The following THSD7A variants were observed in gnomAD, a reference collection of about 807,000 sequenced individuals.
THSD7A encodes the protein thrombospondin type-1 domain-containing protein 7A.
In THSD7A, 96 loss-of-function variants were observed where a neutral mutation model predicts 231.3. The observed-to-expected ratio is 0.41, with a 90% confidence interval of 0.35 to 0.49. The LOEUF is 0.49. THSD7A is among the 20% of genes least tolerant of loss of function. THSD7A has a pLI of 0.05. For missense variants in THSD7A, 2,290 were observed against 2,070.2 expected, an observed-to-expected ratio of 1.11 and a Z score of -2.06; for synonymous variants, 940 against 743.3, an observed-to-expected ratio of 1.26 and a Z score of -4.30.
At chr7:11,604,040 G>A (rs1303120832) in intron 2 of THSD7A, among the ~76,000 whole-genome samples, 1 of 149,534 alleles carries the variant, frequency 6.7e-6, no homozygotes, top group Non-Finnish European at 1.5e-5. Context: ...AAAAAAAAAT[G>A]CCAAAAAAAA....
chr7:11,773,080 G>C (rs564398785), intron 1 of THSD7A, among the ~76,000 whole-genome samples: 1 of 151,944 alleles, frequency 6.6e-6, no homozygotes, highest in Non-Finnish European at 1.5e-5. Context: ...CTAAGAATTT[G>C]GTATATAATA....
Position 11,411,568 on chromosome 7 carries a change from G to C in THSD7A, c.3683-246C>G, listed in dbSNP as rs1343112101. On this transcript the variant is annotated intron_variant, in intron 18 of 27. Transcript: ENST00000423059. The surrounding 1 kb of genome is among the most constrained non-coding windows in gnomAD (Gnocchi z 4.1). ...AGATGTCTACTTGAAAATCTTGATA[G>C]CTAGCCGTTTGGTGACACTGTGAAA... Among the ~76,000 whole-genome samples the C allele has an allele frequency of 2.0e-5, 3 of 152,190 alleles. No homozygotes were observed. Among genetic ancestry groups the C allele is most frequent in the South Asian group, 2.1e-4 (1 of 4,830 alleles).
chr7:11,372,816 C>T lies in THSD7A; in HGVS notation c.*2978G>A, dbSNP rs1262509251. The T allele has an allele frequency of 6.6e-6, 1 of 151,802 alleles. No individual in the cohort carries two copies. Among genetic ancestry groups the T allele is most frequent in the Non-Finnish European group, 1.5e-5 (1 of 67,920 alleles). The allele number at this position is 151,802 out of a possible 1,614,324, so 9.4% of individuals were successfully genotyped here. A position where few individuals can be genotyped will look rare whatever the true frequency, so the allele number is the denominator to read the frequency against. ...TAAAAATAAGGTTTTGATGAAATTC[C>T]AATAAAATATTTAACTCATTATTGT... is the stretch of plus-strand genomic sequence containing the variant. On this transcript the variant is annotated 3_prime_UTR_variant, in exon 28 of 28. Transcript: ENST00000423059.
At chr7:11,501,898 G>C (rs145701931) in intron 6 of THSD7A, among the ~76,000 whole-genome samples, 42 of 151,944 alleles carry the variant, frequency 2.8e-4, no homozygotes, top group African/African-American at 9.9e-4. Flanking sequence ...TAGACTAATA[G>C]AAGAGAGAAA....
At chr7:11,421,644 A>C (rs1336165813) in intron 16 of THSD7A, among the ~76,000 whole-genome samples, 1 of 152,230 alleles carries the variant, frequency 6.6e-6, no homozygotes, top group Admixed American at 6.5e-5. Context: ...ATAACCACTC[A>C]TAACAGACTA....
chr7:11,470,820 T>G (rs1785908766), intron 8 of THSD7A, among the ~76,000 whole-genome samples: 2 of 151,838 alleles, frequency 1.3e-5, no homozygotes, highest in Non-Finnish European at 2.9e-5. Context: ...AGCAAAAATA[T>G]ATTATTTATT....
chr7:11,818,366 C>T (rs1784773275), intron 1 of THSD7A, among the ~76,000 whole-genome samples: 1 of 151,896 alleles, frequency 6.6e-6, no homozygotes, highest in African/African-American at 2.4e-5. Flanking sequence ...CTACGTTAGG[C>T]TGTTAATAGT....
intron 2 of THSD7A, among the ~76,000 whole-genome samples, chr7:11,610,882 G>C (rs1294931018): frequency 6.6e-6 from 1 of 152,116 alleles, no homozygotes; most frequent in Non-Finnish European, 1.5e-5. Flanking sequence ...TATGTTCCAA[G>C]ATGTGTACTT....
chr7:11,507,227 A>C (rs150369808), intron 6 of THSD7A, among the ~76,000 whole-genome samples: 74 of 152,286 alleles, frequency 4.9e-4, no homozygotes, highest in African/African-American at 1.7e-3. Context: ...TGTATTAGGG[A>C]TACTCACTCT....
chr7:11,798,706 T>C (rs1002126838), intron 1 of THSD7A, among the ~76,000 whole-genome samples: 3 of 152,184 alleles, frequency 2.0e-5, no homozygotes, highest in Non-Finnish European at 4.4e-5. Flanking sequence ...AAAGTTGGTA[T>C]CTAACTGATG....
intron 1 of THSD7A, among the ~76,000 whole-genome samples, chr7:11,681,262 G>T (rs989593842): frequency 2.0e-5 from 3 of 151,952 alleles, no homozygotes; most frequent in African/African-American, 7.2e-5. Context: ...CTGATGGGTT[G>T]ATGGGTGCAG....
chr7:11,738,925 T>C (rs1251701859), intron 1 of THSD7A, among the ~76,000 whole-genome samples: 1 of 152,056 alleles, frequency 6.6e-6, no homozygotes, highest in Non-Finnish European at 1.5e-5. Flanking sequence ...TTTGGGTTCT[T>C]TTAAGCCACT....
At chr7:11,677,788 G>T (rs1464227927) in intron 1 of THSD7A, among the ~76,000 whole-genome samples, 1 of 151,688 alleles carries the variant, frequency 6.6e-6, no homozygotes, top group Non-Finnish European at 1.5e-5. Context: ...CAGATCAACG[G>T]GACAGAAAAT....
intron 1 of THSD7A, among the ~76,000 whole-genome samples, chr7:11,815,553 T>C (rs1784665210): frequency 2.0e-5 from 3 of 152,170 alleles, no homozygotes; most frequent in South Asian, 4.1e-4. Context: ...TCATTCTTAT[T>C]AATAAACCTG....
At chr7:11,495,534 A>G (rs926628279) in intron 6 of THSD7A, among the ~76,000 whole-genome samples, 3 of 152,276 alleles carry the variant, frequency 2.0e-5, no homozygotes, top group African/African-American at 4.8e-5. Context: ...ACAGTTTCAA[A>G]GAAGATAACA....
rs1341868418 is a variant in THSD7A, at chr7:11,636,173, C to G, written c.979G>C (p.Glu327Gln). 1 of 1,613,980 alleles carries G rather than the reference C, an allele frequency of 6.2e-7. No homozygotes were observed. Among genetic ancestry groups the G allele is most frequent in the Non-Finnish European group, 8.5e-7 (1 of 1,179,894 alleles). The part of the protein sequence containing the change: ...WDIQIGYQTR[E>Q]VMCINKTGKA... ...CCCGTCTTGTTAATGCACATAACCT[C>G]TCTGGTCTGATATCCAATCTGGATG... Residue 327 changes from glutamate (E) to glutamine (Q), a missense_variant, in exon 2 of 28, where the codon GAG becomes CAG. By Grantham distance (29) the Glu-to-Gln change is conservative (BLOSUM62 2). Coordinates refer to ENST00000423059, the MANE Select transcript of THSD7A (RefSeq NM_015204.3). The surrounding 1 kb of genome is among the most constrained non-coding windows in gnomAD (Gnocchi z 10.0).
chr7:11,473,096 T>G (rs1786002136), intron 8 of THSD7A, among the ~76,000 whole-genome samples: 1 of 152,168 alleles, frequency 6.6e-6, no homozygotes. Flanking sequence ...TTCAATTTAT[T>G]CAAATCTCAC....
intron 1 of THSD7A, chr7:11,821,215 ACTATAT>A (rs1784863671): frequency 2.5e-6 from 3 of 1,185,400 alleles, no homozygotes; most frequent in South Asian, 2.5e-5. Flanking sequence ...AACAATGGTC[ACTATAT>A]GTTGGGCTAA....
intron 18 of THSD7A, 105 bp downstream of exon 18, chr7:11,412,551 C>A: frequency 1.5e-6 from 2 of 1,346,368 alleles, no homozygotes; most frequent in Non-Finnish European, 2.0e-6. Flanking sequence ...AGCAGCATAT[C>A]CAAAAGGCAC....
Sources: gnomAD v4.1 joint callset for allele counts (sites outside exome capture counted in the v4.1 genomes callset) on GRCh38, gnomAD v4.1.1 for gene constraint, Gnocchi (gnomAD v3.1) non-coding constraint, MANE v1.5 for transcripts, NCBI Gene and HGNC (gene_info 2026-07-23, HGNC 2026-07-21) for gene names.